The following PIGT variants were observed in gnomAD, a reference collection of about 807,000 sequenced individuals.
PIGT encodes the protein phosphatidylinositol glycan anchor biosynthesis class T.
In PIGT, 57 loss-of-function variants were observed where a neutral mutation model predicts 66.7. The ratio of observed to expected loss-of-function variants is 0.86; its 90% CI spans 0.69 to 1.07. The LOEUF (loss-of-function observed/expected upper bound fraction) is 1.07. Among genes scored for constraint, PIGT ranks in the 50% least tolerant of loss-of-function variants. The probability of loss-of-function intolerance (pLI) is 0.00; values close to 1 mark genes in which losing one functional copy is unlikely to be tolerated. For missense variants in PIGT, 725 were observed against 740.4 expected, an observed-to-expected ratio of 0.98 and a Z score of 0.24; for synonymous variants, 362 against 320.5, an observed-to-expected ratio of 1.13 and a Z score of -1.38.
chr20:45,419,743 G>A (rs1990230096), intron 5 of PIGT, 153 bp downstream of exon 5: 1 of 661,456 alleles, frequency 1.5e-6, no homozygotes, highest in African/African-American at 1.8e-5. Flanking sequence ...CAAGAAAACA[G>A]TGGTTGCCTA....
At chr20:45,424,086 G>A in intron 9 of PIGT, 130 bp from the exon 10 acceptor site, 1 of 745,574 alleles carries the variant, frequency 1.3e-6, no homozygotes, top group Non-Finnish European at 2.3e-6. Flanking sequence ...TCCCTTGCCT[G>A]CCTGGCTTCT....
rs755502693 is a variant in PIGT at position 45,416,485 on chromosome 20, G to A, written c.188-32G>A. ...CTGGGTGTGGACCCCGACGAGGTGG[G>A]GATCGTCACTCACCTGCTCCCGTTT... On this transcript the variant is annotated intron_variant, in intron 1 of 11. Transcript: ENST00000279036. The A allele has an allele frequency of 1.1e-5, 18 of 1,603,216 alleles. 2 individuals carry two copies. The Middle Eastern group carries it at 2.5e-3, about 223-fold the overall frequency.
In PIGT at chr20:45,416,573, CTA is replaced by C. The variant is rs2145433134; in HGVS notation, c.245_246del (p.Leu82ProfsTer40). 1 of 1,614,198 alleles carries C rather than the reference CTA, an allele frequency of 6.2e-7. No homozygotes were observed. The highest frequency in any genetic ancestry group is 1.7e-5 in the Admixed American group (1 of 60,036). Reference protein sequence around the residue: ...ALGQLISKYSLRELHLSFTQG... With the variant: ...ALGQLISKYSXRELHLSFTQG... ...GGGGCAGCTGATCTCCAAGTATTCT[CTA>C]CGGGAGCTGCACCTGTCATTCACAC... On this transcript the variant is annotated frameshift_variant, in exon 2 of 12. Coordinates refer to ENST00000279036, the MANE Select transcript of PIGT (RefSeq NM_015937.6). LOFTEE classifies it high-confidence loss of function.
Position 45,420,572 on chromosome 20 carries a change from T to C in PIGT, c.912T>C (p.Tyr304=). The change falls in exon 8 of 12, where the codon TAT becomes TAC. Residue 304 remains tyrosine, a synonymous_variant. Coordinates refer to ENST00000279036, the MANE Select transcript of PIGT (RefSeq NM_015937.6). ...LEVHPPPTTT[Y]QDVILGTRKT... ...TGCACCCACCCCCGACCACTACATA[T>C]CAGGACGTCATCCTAGGCACTCGGA... 6.2e-7 allele frequency: 1 copy of C among 1,613,394 alleles called. No individual in the cohort carries two copies. Among genetic ancestry groups the C allele is most frequent in the Non-Finnish European group, 8.5e-7 (1 of 1,179,900 alleles).
At chr20:45,418,606 C>A in intron 2 of PIGT, 1 of 461,414 alleles carries the variant, frequency 2.2e-6, no homozygotes, top group South Asian at 2.1e-5. Context: ...AAGGAAGAAT[C>A]ACCTGAGCAG....
Position 45,420,713 on chromosome 20 carries a change from G to T in PIGT, c.1033+20G>T, listed in dbSNP as rs1990307884. ...AGAATGGTGAGTGGGTGGTTGGTTG[G>T]ACTGCTGGGTTGCAACGGCTACAGA... On this transcript the variant is annotated intron_variant, in intron 8 of 11. Transcript: ENST00000279036. 1 of 1,613,262 alleles carries T rather than the reference G, an allele frequency of 6.2e-7. No homozygotes were observed.
In PIGT at chr20:45,426,224, A is replaced by C; in HGVS notation, c.*398A>C. 5.3e-6 allele frequency: 1 copy of C among 187,134 alleles called. No homozygotes were observed. The highest frequency in any genetic ancestry group is 1.1e-5 in the Non-Finnish European group (1 of 88,706). The allele number at this position is 187,134 out of a possible 1,614,324, so 11.6% of individuals were successfully genotyped here. A position where few individuals can be genotyped will look rare whatever the true frequency, so the allele number is the denominator to read the frequency against. The stretch of plus-strand genomic sequence containing the variant: ...GATGGAGTTTACTGTTTGTGGAATA[A>C]AAACGGCTGTTTCCGTGGTTCTTTG... On this transcript the variant is annotated 3_prime_UTR_variant, in exon 12 of 12. Transcript: ENST00000279036.
rs1466637488 is a variant in PIGT at position 45,425,684 on chromosome 20, C to A, written c.1595C>A (p.Thr532Lys). 1 of 1,614,158 alleles carries A rather than the reference C, an allele frequency of 6.2e-7. No individual in the cohort carries two copies. The highest frequency in any genetic ancestry group is 1.7e-5 in the Admixed American group (1 of 60,024). Reference protein sequence around the residue: ...FSMPYNVICLTCTVVAVCYGS... With the variant: ...FSMPYNVICLKCTVVAVCYGS... ...ATGCCCTACAACGTGATCTGCCTCA[C>A]GTGCACTGTGGTGGCCGTGTGCTAT... is the stretch of plus-strand genomic sequence containing the variant. The change falls in exon 12 of 12, where the codon ACG becomes AAG. Residue 532 changes from threonine (T) to lysine (K), a missense_variant. Transcript: ENST00000279036.
rs1482201175 is a variant in PIGT at position 45,425,957 on chromosome 20, A to G, written c.*131A>G. ...TGCCCTGGACCAGGTCAGGGCCTAC[A>G]GCTGTGTTGTCCAGTACAGGAGCCA... On this transcript the variant is annotated 3_prime_UTR_variant, in exon 12 of 12. Transcript: ENST00000279036. 1.0e-6 allele frequency: 1 copy of G among 1,000,104 alleles called. No individual in the cohort carries two copies. The highest frequency in any genetic ancestry group is 2.6e-5 in the East Asian group (1 of 38,470). The allele number at this position is 1,000,104 out of a possible 1,614,324, so 62.0% of individuals were successfully genotyped here.
At chr20:45,419,047 C>G (rs1307863442) in intron 3 of PIGT, 68 bp downstream of exon 3, 2 of 1,593,230 alleles carry the variant, frequency 1.3e-6, no homozygotes, top group Non-Finnish European at 1.7e-6. Flanking sequence ...CCTCCTTTTC[C>G]CTCAGTTTCC....
At chr20:45,417,497 T>TA (rs987843686) in intron 2 of PIGT, 10 of 152,182 alleles carry the variant, frequency 6.6e-5, no homozygotes, top group African/African-American at 2.4e-4. Flanking sequence ...CAAATGTTTC[T>TA]AAAAATTTTT....
At chr20:45,417,682 C>A (rs1990072254) in intron 2 of PIGT, 1 of 152,164 alleles carries the variant, frequency 6.6e-6, no homozygotes, top group Admixed American at 6.5e-5. Context: ...TTGGCAAATT[C>A]AAATATCAGC....
At chr20:45,424,420 A>G in intron 10 of PIGT, 39 bp downstream of exon 10, 1 of 1,613,684 alleles carries the variant, frequency 6.2e-7, no homozygotes, top group Non-Finnish European at 8.5e-7. Context: ...CATCCCCCTG[A>G]CCTACCCTTT....
At chr20:45,419,020 T>A (rs767197894) in intron 3 of PIGT, 41 bp downstream of exon 3, 3 of 1,613,028 alleles carry the variant, frequency 1.9e-6, no homozygotes, top group Non-Finnish European at 1.7e-6. Flanking sequence ...TCCTCTTACC[T>A]CCTGCCCAAA....
At position 45,424,544 on chromosome 20, in the gene PIGT, A is replaced by G. The variant is rs1990590884; in HGVS notation, c.1449A>G (p.Pro483=). 2 of 1,614,090 alleles carry G rather than the reference A, an allele frequency of 1.2e-6. No homozygotes were observed. The highest frequency in any genetic ancestry group is 1.7e-5 in the Admixed American group (1 of 60,008). ...TGCCCAGCATGGTAGCAGCCAAGCC[A>G]GTGGACTGGGAAGAGAGTCCCCTCT... ...ALVPSMVAAK[P]VDWEESPLFN... The change falls in exon 11 of 12, where the codon CCA becomes CCG. Residue 483 remains proline (P), a synonymous_variant. Coordinates refer to ENST00000279036, the MANE Select transcript of PIGT (RefSeq NM_015937.6).
chr20:45,421,483 C>T lies in PIGT; in HGVS notation c.1134C>T (p.Tyr378=). Residue 378 remains tyrosine, a synonymous_variant, in exon 9 of 12, where the codon TAC becomes TAT. Transcript: ENST00000279036. ...LSTLLYNTHP[Y]RAFPVLLLDT... is the part of the protein sequence containing the mutation. Reference sequence around the variant, plus strand: ...CACTGCTGTACAACACCCACCCATACCGGGCCTTCCCGGTGCTGCTGCTGG... The same window carrying T: ...CACTGCTGTACAACACCCACCCATATCGGGCCTTCCCGGTGCTGCTGCTGG... 1.2e-6 allele frequency: 2 copies of T among 1,614,178 alleles called. No individual in the cohort carries two copies. Among genetic ancestry groups the T allele is most frequent in the East Asian group, 2.2e-5 (1 of 44,882 alleles).
In PIGT at chr20:45,419,387, A is replaced by T; in HGVS notation, c.586A>T (p.Ser196Cys). 1 of 1,613,372 alleles carries T rather than the reference A, an allele frequency of 6.2e-7. No homozygotes were observed. Among genetic ancestry groups the T allele is most frequent in the South Asian group, 1.1e-5 (1 of 91,024 alleles). Residue 196 changes from serine to cysteine, a missense_variant, in exon 4 of 12, where the codon AGT becomes TGT. Ser to Cys is a moderately radical substitution (Grantham distance 112). Transcript: ENST00000279036. ...CCCCTGGAAGAAGCTCTTGCCCTGT[A>T]GTTCCAAGGTGAGGCCGCAGAGCCT... Reference protein sequence around the residue: ...LTPWKKLLPCSSKAGLSVLLK... With the variant: ...LTPWKKLLPCCSKAGLSVLLK...
At position 45,416,179 on chromosome 20, in the gene PIGT, C is replaced by T. The variant is rs775987061; in HGVS notation, c.23C>T (p.Ala8Val). The T allele has an allele frequency of 5.1e-6, 8 of 1,580,426 alleles. No homozygotes were observed. The highest frequency in any genetic ancestry group is 1.4e-5 in the African/African-American group (1 of 74,060). MAAAMPL[A>V]LLVLLLLGPG... Reference sequence around the variant, plus strand: ...GGCATGGCGGCGGCTATGCCGCTTGCTCTGCTCGTCCTGTTGCTCCTGGGG... The same window carrying T: ...GGCATGGCGGCGGCTATGCCGCTTGTTCTGCTCGTCCTGTTGCTCCTGGGG... The change falls in exon 1 of 12, where the codon GCT becomes GTT. Residue 8 changes from alanine (A) to valine (V), a missense_variant. By Grantham distance (64) the Ala-to-Val change is moderately conservative (BLOSUM62 0). Transcript: ENST00000279036.
In PIGT at chr20:45,416,158, T is replaced by TGGC. The variant is rs775389368; in HGVS notation, c.9_11dup (p.Ala4dup). 1.3e-6 allele frequency: 2 copies of TGGC among 1,558,212 alleles called. No individual in the cohort carries two copies. The highest frequency in any genetic ancestry group is 4.8e-5 in the East Asian group (2 of 41,366). On this transcript the variant is annotated inframe_insertion, in exon 1 of 12. Coordinates refer to ENST00000279036, the MANE Select transcript of PIGT (RefSeq NM_015937.6). The stretch of plus-strand genomic sequence containing the variant: ...GGGTAGGCGGAAGTAGCCGCAGGCA[T>TGGC]GGCGGCGGCTATGCCGCTTGCTCTG...
Sources: gnomAD v4.1 joint callset for allele counts on GRCh38, gnomAD v4.1.1 for gene constraint, MANE v1.5 for transcripts, NCBI Gene and HGNC (gene_info 2026-07-23, HGNC 2026-07-21) for gene names.